Variants in SLC38A12 observed in about 807,000 individuals in gnomAD.
The protein encoded by SLC38A12 is solute carrier family 38 member 12.
At chr17:74,828,656 A>G in the SLC38A12 span, among the ~76,000 whole-genome samples, 1 of 152,062 alleles carries the variant, frequency 6.6e-6, no homozygotes, top group Non-Finnish European at 1.5e-5. Context: ...AGCACCCCAG[A>G]CCCAGCCAGT....
At chr17:74,794,886 A>C in the SLC38A12 span, 1 of 773,898 alleles carries the variant, frequency 1.3e-6, no homozygotes, top group Non-Finnish European at 2.1e-6. Context: ...TTTTGTAGAA[A>C]GTAAACAGCT....
At chr17:74,838,410 CT>C in the SLC38A12 span, 1 of 1,008,308 alleles carries the variant, frequency 9.9e-7, no homozygotes, top group African/African-American at 1.7e-5. Flanking sequence ...AACTACCCTT[CT>C]CCAATTACGT....
the SLC38A12 span, among the ~76,000 whole-genome samples, chr17:74,806,085 G>A: frequency 1.3e-5 from 2 of 152,230 alleles, no homozygotes; most frequent in Non-Finnish European, 2.9e-5. Context: ...GAATCAGGTG[G>A]TTGGAGGTGT....
At chr17:74,802,658 C>G in the SLC38A12 span, among the ~76,000 whole-genome samples, 1 of 152,186 alleles carries the variant, frequency 6.6e-6, no homozygotes. Flanking sequence ...ATTATACTCA[C>G]AGTAGAGCAT....
At chr17:74,789,061 C>T in the SLC38A12 span, among the ~76,000 whole-genome samples, 31 of 152,346 alleles carry the variant, frequency 2.0e-4, no homozygotes, top group African/African-American at 7.5e-4. Context: ...GCCTCTGCCA[C>T]TTTCCCGTCT....
chr17:74,835,912 T>G, the SLC38A12 span: 4 of 1,587,128 alleles, frequency 2.5e-6, no homozygotes, highest in Non-Finnish European at 3.4e-6. Flanking sequence ...GTGACTCCTC[T>G]CTCTCGTTTC....
the SLC38A12 span, chr17:74,838,295 C>T: frequency 4.1e-6 from 4 of 985,882 alleles, no homozygotes; most frequent in African/African-American, 5.2e-5. Flanking sequence ...GCGACTTCCT[C>T]CCAGGAGGCC....
At chr17:74,833,933 C>T in the SLC38A12 span, among the ~76,000 whole-genome samples, 12 of 152,224 alleles carry the variant, frequency 7.9e-5, no homozygotes, top group South Asian at 2.1e-4. Flanking sequence ...CCAGGTGCCC[C>T]GGGCCCAGTC....
the SLC38A12 span, chr17:74,791,069 A>C: frequency 1.3e-6 from 2 of 1,594,814 alleles, no homozygotes; most frequent in Non-Finnish European, 1.7e-6. Flanking sequence ...GGTGTGGGGA[A>C]ACGGGGAGCT....
chr17:74,785,358 C>G, the SLC38A12 span: 1 of 1,385,842 alleles, frequency 7.2e-7, no homozygotes, highest in East Asian at 2.4e-5. Context: ...CTGCCTCCTT[C>G]CCTGTCTACA....
the SLC38A12 span, among the ~76,000 whole-genome samples, chr17:74,823,077 C>G: frequency 6.6e-6 from 1 of 152,214 alleles, no homozygotes; most frequent in Admixed American, 6.5e-5. Context: ...CCTTTTCATT[C>G]TGTCTTAAAA....
At chr17:74,836,932 C>T in the SLC38A12 span, 1 of 1,343,416 alleles carries the variant, frequency 7.4e-7, no homozygotes, top group South Asian at 2.0e-5. The surrounding 1 kb of genome is among the most constrained non-coding windows in gnomAD (Gnocchi z 4.2). Flanking sequence ...GTGGCTGCTC[C>T]CAAGTTCTAA....
the SLC38A12 span, among the ~76,000 whole-genome samples, chr17:74,826,992 G>C: frequency 6.6e-6 from 1 of 152,122 alleles, no homozygotes. Context: ...AGCCCCAAAG[G>C]TTTGCTGAGG....
At chr17:74,807,729 A>G in the SLC38A12 span, among the ~76,000 whole-genome samples, 1 of 152,162 alleles carries the variant, frequency 6.6e-6, no homozygotes, top group African/African-American at 2.4e-5. Flanking sequence ...AGCACCACCA[A>G]TTTGCATCTG....
chr17:74,830,255 A>AG, the SLC38A12 span, among the ~76,000 whole-genome samples: 1 of 152,164 alleles, frequency 6.6e-6, no homozygotes, highest in Non-Finnish European at 1.5e-5. Flanking sequence ...CCAGGCCCCC[A>AG]GGGTGAGGTT....
chr17:74,809,023 G>T, the SLC38A12 span, among the ~76,000 whole-genome samples: 1 of 152,310 alleles, frequency 6.6e-6, no homozygotes, highest in South Asian at 2.1e-4. Flanking sequence ...AGTTTCTGAC[G>T]TTCCTTTTTC....
chr17:74,838,398 G>A, the SLC38A12 span: 1 of 1,000,920 alleles, frequency 1.0e-6, no homozygotes, highest in Non-Finnish European at 1.2e-6. Flanking sequence ...CAAAACATCT[G>A]GAACTACCCT....
the SLC38A12 span, among the ~76,000 whole-genome samples, chr17:74,803,414 G>A: frequency 1.3e-5 from 2 of 151,886 alleles, no homozygotes; most frequent in South Asian, 2.1e-4. Flanking sequence ...AGAGCTCCGC[G>A]GAGCTTGATA....
chr17:74,815,599 C>T, the SLC38A12 span, among the ~76,000 whole-genome samples: 2 of 152,276 alleles, frequency 1.3e-5, no homozygotes, highest in African/African-American at 4.8e-5. Flanking sequence ...GTCCTGGGCT[C>T]CTTTTGCATA....
Sources: gnomAD v4.1 joint callset for allele counts (sites outside exome capture counted in the v4.1 genomes callset) on GRCh38, gnomAD v4.1.1 for gene constraint, Gnocchi (gnomAD v3.1) non-coding constraint, MANE v1.5 for transcripts, NCBI Gene and HGNC (gene_info 2026-07-23, HGNC 2026-07-21) for gene names.